The following SRC variants were observed in gnomAD, a reference collection of about 807,000 sequenced individuals.
The protein encoded by SRC is SRC proto-oncogene, non-receptor tyrosine kinase.
Under a neutral mutation model 62.9 loss-of-function variants are expected in SRC, and 13 were observed. The ratio of observed to expected loss-of-function variants is 0.21; its 90% CI spans 0.13 to 0.33. The LOEUF (loss-of-function observed/expected upper bound fraction) is 0.33. Among genes scored for constraint, SRC ranks in the 10% least tolerant of loss-of-function variants. The pLI, the probability that SRC is intolerant of heterozygous loss-of-function variation, is 1.00. For missense variants in SRC, 457 were observed against 737.3 expected (o/e 0.62, Z 4.40); for synonymous variants, 302 against 317.5 (o/e 0.95, Z 0.52).
Position 37,404,405 on chromosome 20 carries a change from T to C in SRC, c.*1026T>C, listed in dbSNP as rs556335767. On this transcript the variant is annotated 3_prime_UTR_variant, in exon 14 of 14. Transcript: ENST00000373578. ...CCGGCTATGAAAGGGAGCGAGCCCC[T>C]CGGCTCTGGAGGCAATCAAGCAGAC... 9 of 233,584 alleles carry C rather than the reference T, an allele frequency of 3.9e-5. 1 individual carries two copies. In the Middle Eastern group the frequency reaches 3.8e-3, roughly 99 times the overall value. The allele number at this position is 233,584 out of a possible 1,614,324, so 14.5% of individuals were successfully genotyped here.
chr20:37,346,361 T>G (rs2069720098), intron 1 of SRC, 106 bp downstream of exon 1: 1 of 146,304 alleles, frequency 6.8e-6, no homozygotes, highest in African/African-American at 2.6e-5. Context: ...GGGACTCCTG[T>G]CCACCCCCCC....
chr20:37,358,790 G>A (rs6017997), intron 1 of SRC, among the ~76,000 whole-genome samples: 7 of 152,250 alleles, frequency 4.6e-5, no homozygotes, highest in African/African-American at 1.7e-4. Flanking sequence ...CTGGGCTGCA[G>A]GCCCCGTCCC....
At chr20:37,379,850 C>A (rs1472009378) in intron 2 of SRC, among the ~76,000 whole-genome samples, 1 of 141,074 alleles carries the variant, frequency 7.1e-6, no homozygotes, top group Non-Finnish European at 1.5e-5. Context: ...GAGCCGAGAT[C>A]GCGCCACTGC....
At position 37,403,983 on chromosome 20, in the gene SRC, C is replaced by A. The variant is rs1347343528; in HGVS notation, c.*604C>A. 8.4e-6 allele frequency: 2 copies of A among 237,356 alleles called. No individual in the cohort carries two copies. The highest frequency in any genetic ancestry group is 4.4e-5 in the African/African-American group (2 of 45,350). 14.7% of individuals were successfully genotyped at this position (237,356 alleles called of 1,614,324 possible). A position where few individuals can be genotyped will look rare whatever the true frequency, so the allele number is the denominator to read the frequency against. On this transcript the variant is annotated 3_prime_UTR_variant, in exon 14 of 14. Coordinates refer to ENST00000373578, the MANE Select transcript of SRC (RefSeq NM_198291.3). The surrounding 1 kb of genome is among the most constrained non-coding windows in gnomAD (Gnocchi z 7.1). The stretch of plus-strand genomic sequence containing the variant: ...GGGTGGGATGAGTACCCCCTCAAAC[C>A]CTGCCCTCCTTAGACCTGAGGGACC...
intron 2 of SRC, among the ~76,000 whole-genome samples, chr20:37,368,842 C>T (rs576098563): frequency 3.9e-5 from 6 of 152,222 alleles, no homozygotes; most frequent in Admixed American, 6.5e-5. Context: ...TGAGCCACCG[C>T]GCCCGGCTAT....
rs1432190943 is a variant in SRC, at chr20:37,384,322, G to C, written c.169G>C (p.Ala57Pro). The change falls in exon 4 of 14, where the codon GCG becomes CCG. Residue 57 changes from alanine to proline, a missense_variant. Ala to Pro is a conservative substitution (Grantham distance 27, BLOSUM62 -1). Coordinates refer to ENST00000373578, the MANE Select transcript of SRC (RefSeq NM_198291.3). The surrounding 1 kb of genome is among the most constrained non-coding windows in gnomAD (Gnocchi z 6.7). ...HRGPSAAFAP[A>P]AAEPKLFGGF... ...CGGCCCCAGCGCGGCCTTCGCCCCC[G>C]CGGCCGCCGAGCCCAAGCTGTTCGG... 2.0e-6 allele frequency: 3 copies of C among 1,465,870 alleles called. No homozygotes were observed. Among genetic ancestry groups the C allele is most frequent in the East Asian group, 6.1e-5 (2 of 32,832 alleles). The allele number at this position is 1,465,870 out of a possible 1,614,324, so 90.8% of individuals were successfully genotyped here. A position where few individuals can be genotyped will look rare whatever the true frequency, so the allele number is the denominator to read the frequency against.
chr20:37,401,542 A>G (rs375368232), intron 10 of SRC, 60 bp from the exon 11 acceptor site: 222 of 1,385,548 alleles, frequency 1.6e-4, no homozygotes, highest in Non-Finnish European at 2.0e-4. Flanking sequence ...GGTTTTGGGA[A>G]TCACTGCATC....
chr20:37,389,193 C>T (rs2070506400), intron 5 of SRC, among the ~76,000 whole-genome samples: 1 of 152,146 alleles, frequency 6.6e-6, no homozygotes, highest in Non-Finnish European at 1.5e-5. Context: ...TGAGGAAGCC[C>T]TCTGGGGCTG....
chr20:37,402,384 T>C lies in SRC; in HGVS notation c.1117-51T>C, dbSNP rs1395993473. ...CCAGCCCCAGAGTGCTCTGTGGCCC[T>C]GGGAGGGCATGGGTGGCACCTGAGC... On this transcript the variant is annotated intron_variant, in intron 11 of 13. Coordinates refer to ENST00000373578, the MANE Select transcript of SRC (RefSeq NM_198291.3). The surrounding 1 kb of genome is among the most constrained non-coding windows in gnomAD (Gnocchi z 6.2). 4.4e-6 allele frequency: 7 copies of C among 1,592,484 alleles called. No homozygotes were observed. The African/African-American group carries it at 9.5e-5, about 22-fold the overall frequency.
intron 7 of SRC, among the ~76,000 whole-genome samples, chr20:37,395,669 G>T (rs913144549): frequency 1.3e-5 from 2 of 152,188 alleles, no homozygotes. Flanking sequence ...AGGTTGGGGG[G>T]ACATGGACAG....
chr20:37,352,953 T>G (rs1010760789), intron 1 of SRC, among the ~76,000 whole-genome samples: 13 of 152,358 alleles, frequency 8.5e-5, no homozygotes, highest in African/African-American at 2.4e-4. Context: ...GAGTCCGTAC[T>G]GACCCCACAT....
chr20:37,363,666 C>T (rs535386575), intron 1 of SRC, among the ~76,000 whole-genome samples: 7 of 152,138 alleles, frequency 4.6e-5, no homozygotes, highest in Non-Finnish European at 7.4e-5. Flanking sequence ...GTTTCTGCAC[C>T]CCCATCAGCA....
At position 37,396,441 on chromosome 20, in the gene SRC, C is replaced by T. The variant is rs1163426589; in HGVS notation, c.703+130C>T. The T allele has an allele frequency of 2.9e-6, 3 of 1,038,658 alleles. No homozygotes were observed. The African/African-American group carries it at 4.8e-5, about 17-fold the overall frequency. The allele number at this position is 1,038,658 out of a possible 1,614,324, so 64.3% of individuals were successfully genotyped here. The stretch of plus-strand genomic sequence containing the variant: ...TTCTCTCCCCACTTCCCCCTCCCCC[C>T]TCCCTTCCTCTCTCCTCCCTTTTCC... On this transcript the variant is annotated intron_variant, in intron 8 of 13. Coordinates refer to ENST00000373578, the MANE Select transcript of SRC (RefSeq NM_198291.3). The surrounding 1 kb of genome is among the most constrained non-coding windows in gnomAD (Gnocchi z 6.1).
At chr20:37,356,038 C>G (rs540815098) in intron 1 of SRC, among the ~76,000 whole-genome samples, 1 of 152,294 alleles carries the variant, frequency 6.6e-6, no homozygotes, top group South Asian at 2.1e-4. Context: ...GGCTCAATTA[C>G]TTTTGCCAAG....
In SRC at chr20:37,384,890, G is replaced by A. The variant is rs1158051511; in HGVS notation, c.250+487G>A. On this transcript the variant is annotated intron_variant, in intron 4 of 13. Coordinates refer to ENST00000373578, the MANE Select transcript of SRC (RefSeq NM_198291.3). This position sits in a 1 kb window ranked among gnomAD's most constrained non-coding sequence, Gnocchi z 6.7. ...GGCGCTCTGCGGTCACCGCAGCCCCGGAGAGGGCCGTTTTGGAGAGCCGCG... is the reference window on the plus strand; with the variant it reads ...GGCGCTCTGCGGTCACCGCAGCCCCAGAGAGGGCCGTTTTGGAGAGCCGCG... 6.6e-6 allele frequency among the ~76,000 whole-genome samples: 1 copy of A among 152,188 alleles called. No homozygotes were observed. The highest frequency in any genetic ancestry group is 1.9e-4 in the East Asian group (1 of 5,196).
chr20:37,374,149 G>A (rs893912007), intron 2 of SRC, among the ~76,000 whole-genome samples: 7 of 150,032 alleles, frequency 4.7e-5, no homozygotes, highest in Non-Finnish European at 5.9e-5. Context: ...GCATTATCTC[G>A]GCTCACTGCA....
chr20:37,353,968 A>T (rs1414655710), intron 1 of SRC, among the ~76,000 whole-genome samples: 1 of 152,234 alleles, frequency 6.6e-6, no homozygotes, highest in Non-Finnish European at 1.5e-5. Flanking sequence ...AACCCACTCC[A>T]TGGGCTTGTT....
upstream of SRC, among the ~76,000 whole-genome samples, chr20:37,345,702 A>G (rs1054015834): frequency 2.6e-5 from 4 of 152,182 alleles, no homozygotes; most frequent in Non-Finnish European, 4.4e-5. Context: ...TAAACCCTGA[A>G]GTCGACCTGA....
rs1221259725 is a variant in SRC at position 37,351,596 on chromosome 20, G to C, written c.-247+5341G>C. ...TGGGGAAGCATGGCCTCCCTGTTGGGGTCTGATTAGCTTCTCTTAGGCTGC... is the reference window on the plus strand; with the variant it reads ...TGGGGAAGCATGGCCTCCCTGTTGGCGTCTGATTAGCTTCTCTTAGGCTGC... On this transcript the variant is annotated intron_variant, in intron 1 of 13. Coordinates refer to ENST00000373578, the MANE Select transcript of SRC (RefSeq NM_198291.3). The surrounding 1 kb of genome is among the most constrained non-coding windows in gnomAD (Gnocchi z 4.4). 6.6e-6 allele frequency among the ~76,000 whole-genome samples: 1 copy of C among 152,150 alleles called. No individual in the cohort carries two copies. Among genetic ancestry groups the C allele is most frequent in the African/African-American group, 2.4e-5 (1 of 41,428 alleles).
Sources: gnomAD v4.1 joint callset for allele counts (sites outside exome capture counted in the v4.1 genomes callset) on GRCh38, gnomAD v4.1.1 for gene constraint, Gnocchi (gnomAD v3.1) non-coding constraint, MANE v1.5 for transcripts, NCBI Gene and HGNC (gene_info 2026-07-23, HGNC 2026-07-21) for gene names.